The following PCDH11X variants were observed in gnomAD, a reference collection of about 807,000 sequenced individuals.
The protein encoded by PCDH11X is protocadherin 11 X-linked, also known as protocadherin-11 X-linked.
PCDH11X carries 18 observed loss-of-function variants against 53.3 expected under a neutral mutation model. That is an observed-to-expected ratio of 0.34 (90% CI 0.23 to 0.50). The LOEUF is 0.50. PCDH11X is among the 20% of genes least tolerant of loss of function. PCDH11X has a pLI of 0.98. For synonymous variants in PCDH11X, 279 were observed against 393.3 expected, an observed-to-expected ratio of 0.71 and a Z score of 3.44; for missense variants, 570 against 1,032.4, an observed-to-expected ratio of 0.55 and a Z score of 6.14.
intron 8 of PCDH11X, among the ~76,000 whole-genome samples, chrX:92,358,509 C>T: frequency 1.6e-5 from 1 of 62,438 alleles, no homozygotes; most frequent in Admixed American, 2.0e-4. Flanking sequence ...TATAATATTT[C>T]TGGTAAGTTT....
intron 8 of PCDH11X, among the ~76,000 whole-genome samples, chrX:92,281,476 T>C (rs750292930): frequency 1.8e-5 from 2 of 112,313 alleles, no homozygotes; most frequent in Admixed American, 1.9e-4. Flanking sequence ...GTAATGTGGA[T>C]TATCTTTACT....
At position 92,131,408 on chromosome X, in the gene PCDH11X, G is replaced by C. The variant is rs2064969038; in HGVS notation, c.3034-69967G>C. On this transcript the variant is annotated intron_variant, in intron 6 of 10. Coordinates refer to ENST00000682573, the MANE Select transcript of PCDH11X (RefSeq NM_032968.5). ...GAGTTATAAACTTTCCCTTGAGTCAGGTGAGGAAATAACTTAATTTTGTTC... is the reference window on the plus strand; with the variant it reads ...GAGTTATAAACTTTCCCTTGAGTCACGTGAGGAAATAACTTAATTTTGTTC... 2.7e-5 allele frequency among the ~76,000 whole-genome samples: 3 copies of C among 111,288 alleles called. No homozygotes were observed. In the South Asian group the frequency reaches 1.1e-3, roughly 42 times the overall value.
At chrX:92,523,451 C>T (rs1287969999) in intron 10 of PCDH11X, among the ~76,000 whole-genome samples, 1 of 112,038 alleles carries the variant, frequency 8.9e-6, no homozygotes, top group Admixed American at 9.5e-5. Context: ...GCAAGAGTAA[C>T]GTTAGACATC....
intron 10 of PCDH11X, among the ~76,000 whole-genome samples, chrX:92,571,914 A>G (rs1471775235): frequency 8.9e-6 from 1 of 112,314 alleles, no homozygotes; most frequent in Non-Finnish European, 1.9e-5. Context: ...TAAATAGAAT[A>G]TTTGAAAATC....
intron 8 of PCDH11X, among the ~76,000 whole-genome samples, chrX:92,306,773 C>G (rs1267673181): frequency 9.0e-6 from 1 of 111,160 alleles, no homozygotes; most frequent in Non-Finnish European, 1.9e-5. Flanking sequence ...AACCCCGTCT[C>G]TACTAAAAAT....
At chrX:92,203,601 A>G (rs1037284693) in intron 7 of PCDH11X, among the ~76,000 whole-genome samples, 2 of 112,360 alleles carry the variant, frequency 1.8e-5, no homozygotes, top group Non-Finnish European at 3.8e-5. Flanking sequence ...CAGGAGAATT[A>G]CAATAGACAA....
intron 6 of PCDH11X, among the ~76,000 whole-genome samples, chrX:91,957,565 T>TA (rs376397964): frequency 0.18 from 19,152 of 109,221 alleles, 1,333 homozygotes; most frequent in East Asian, 0.24. Context: ...CCTAGTTGCC[T>TA]CAGTTTCTCC....
At chrX:91,838,994 T>C (rs1450505793) in intron 5 of PCDH11X, among the ~76,000 whole-genome samples, 1 of 113,157 alleles carries the variant, frequency 8.8e-6, no homozygotes, top group African/African-American at 3.2e-5. Context: ...GTTTAAAATG[T>C]ATGTAGTATA....
intron 6 of PCDH11X, among the ~76,000 whole-genome samples, chrX:92,101,756 T>C (rs1192659990): frequency 2.7e-5 from 3 of 110,344 alleles, no homozygotes; most frequent in Non-Finnish European, 5.7e-5. Context: ...GTAAAGCTAA[T>C]TTGCCAGTCC....
At chrX:92,360,665 G>A (rs1393151256) in intron 8 of PCDH11X, among the ~76,000 whole-genome samples, 1 of 110,830 alleles carries the variant, frequency 9.0e-6, no homozygotes, top group Non-Finnish European at 1.9e-5. Flanking sequence ...TTTTGTCAAA[G>A]TTGTCTTTTA....
chrX:92,262,319 T>C (rs948372437), intron 7 of PCDH11X, among the ~76,000 whole-genome samples: 20 of 111,424 alleles, frequency 1.8e-4, no homozygotes, highest in African/African-American at 6.2e-4. Context: ...AAGATAAAGA[T>C]TGCGGAGAAC....
At chrX:92,119,064 T>A (rs2064702040) in intron 6 of PCDH11X, among the ~76,000 whole-genome samples, 1 of 109,597 alleles carries the variant, frequency 9.1e-6, no homozygotes, top group Admixed American at 9.8e-5. Flanking sequence ...CTTGAGATAA[T>A]CTGATAAATT....
chrX:92,331,466 T>C (rs1218414251), intron 8 of PCDH11X, among the ~76,000 whole-genome samples: 1 of 104,766 alleles, frequency 9.5e-6, no homozygotes, highest in Non-Finnish European at 1.9e-5. Context: ...GGTAACTGCC[T>C]ATGCTAGCTA....
chrX:92,598,917 A>G (rs1209086535), intron 10 of PCDH11X, among the ~76,000 whole-genome samples: 1 of 107,529 alleles, frequency 9.3e-6, no homozygotes, highest in Non-Finnish European at 1.9e-5. Context: ...TATCATATTA[A>G]GTGAAATAAG....
At chrX:92,280,393 C>G (rs1483495342) in intron 8 of PCDH11X, among the ~76,000 whole-genome samples, 5 of 110,108 alleles carry the variant, frequency 4.5e-5, no homozygotes, top group African/African-American at 1.7e-4. Context: ...TACTAAAATA[C>G]AAAAATTAGC....
chrX:92,323,860 G>T (rs2148496029), intron 8 of PCDH11X, among the ~76,000 whole-genome samples: 1 of 111,162 alleles, frequency 9.0e-6, no homozygotes, highest in Non-Finnish European at 1.9e-5. Flanking sequence ...GAATGAAATG[G>T]GATAACTTTA....
chrX:91,824,941 G>A (rs1936851172), intron 4 of PCDH11X, among the ~76,000 whole-genome samples: 1 of 108,652 alleles, frequency 9.2e-6, no homozygotes, highest in African/African-American at 3.6e-5. Context: ...GCAGTGTGAG[G>A]TGTCAGTGTG....
intron 10 of PCDH11X, among the ~76,000 whole-genome samples, chrX:92,485,421 G>A (rs1440370481): frequency 9.0e-6 from 1 of 111,416 alleles, no homozygotes; most frequent in Non-Finnish European, 1.9e-5. Flanking sequence ...AATGTAACAA[G>A]ATGACATAAT....
At chrX:92,527,646 A>G (rs5942283) in intron 10 of PCDH11X, among the ~76,000 whole-genome samples, 7,960 of 110,797 alleles carry the variant, frequency 0.072, 274 homozygotes, top group Admixed American at 0.2. Flanking sequence ...TTTACTTTAA[A>G]ACATTTATCA....
Sources: allele counts gnomAD v4.1 joint callset (sites outside exome capture counted in the v4.1 genomes callset), GRCh38; gene constraint gnomAD v4.1.1; transcripts MANE v1.5; gene names NCBI Gene and HGNC (gene_info 2026-07-23, HGNC 2026-07-21).